Variants in FBXL7 observed in about 807,000 individuals in gnomAD.
The protein encoded by FBXL7 is F-box/LRR-repeat protein 7.
FBXL7 carries 12 observed loss-of-function variants against 38.3 expected under a neutral mutation model. The ratio of observed to expected loss-of-function variants is 0.31; its 90% confidence interval spans 0.20 to 0.51. The LOEUF is 0.51. Ranked by LOEUF, FBXL7 falls within the 20% of genes least tolerant of loss-of-function variation. The pLI, the probability that FBXL7 is intolerant of heterozygous loss-of-function variation, is 0.98. For missense variants in FBXL7, 567 were observed against 676.4 expected, an observed-to-expected ratio of 0.84 and a Z score of 1.79; for synonymous variants, 297 against 300.9, an observed-to-expected ratio of 0.99 and a Z score of 0.13.
chr5:15,900,659 T>A (rs1235116619), intron 2 of FBXL7, among the ~76,000 whole-genome samples: 1 of 152,176 alleles, frequency 6.6e-6, no homozygotes, highest in Admixed American at 6.5e-5. Flanking sequence ...TCATAGTACA[T>A]CATAAATGTC....
intron 2 of FBXL7, among the ~76,000 whole-genome samples, chr5:15,634,504 T>C (rs1015643989): frequency 8.4e-6 from 1 of 118,418 alleles, no homozygotes. Context: ...GTATTTTTAG[T>C]TGGGGGGGGG....
In FBXL7 at chr5:15,725,797, G is replaced by A. The variant is rs113564670; in HGVS notation, c.127+109725G>A. ...ATTACAGGTGCTCACCACCACAGCC[G>A]GCTAATTTTTTTGTATTTTTAGTAG... On this transcript the variant is annotated intron_variant, in intron 2 of 3. Coordinates refer to ENST00000504595, the MANE Select transcript of FBXL7 (RefSeq NM_012304.5). 5.6e-4 allele frequency among the ~76,000 whole-genome samples: 85 copies of A among 152,074 alleles called. 1 individual carries two copies. The highest frequency in any genetic ancestry group is 1.9e-3 in the African/African-American group (79 of 41,506).
At chr5:15,609,515 T>A (rs1328895372) in intron 1 of FBXL7, among the ~76,000 whole-genome samples, 1 of 152,202 alleles carries the variant, frequency 6.6e-6, no homozygotes. Context: ...ACTGTGCCAG[T>A]GTTTCTTATT....
intron 1 of FBXL7, among the ~76,000 whole-genome samples, chr5:15,551,877 CCCTT>C (rs1738083258): frequency 1.3e-5 from 2 of 152,208 alleles, no homozygotes; most frequent in Non-Finnish European, 2.9e-5. Context: ...CTAGGAAACA[CCCTT>C]CTTTCTTGTA....
intron 2 of FBXL7, among the ~76,000 whole-genome samples, chr5:15,673,001 C>T (rs1579366164): frequency 6.6e-6 from 1 of 151,866 alleles, no homozygotes. Context: ...TTGTTCTGAA[C>T]GGTATTCCGT....
chr5:15,884,142 A>G (rs981018135), intron 2 of FBXL7, among the ~76,000 whole-genome samples: 4 of 152,250 alleles, frequency 2.6e-5, no homozygotes, highest in African/African-American at 9.6e-5. Context: ...CTAGGCAGCC[A>G]CCATCTCCCT....
Position 15,814,237 on chromosome 5 carries a change from C to T in FBXL7, c.128-113653C>T, listed in dbSNP as rs144686582. 6.8e-3 allele frequency among the ~76,000 whole-genome samples: 1,038 copies of T among 152,246 alleles called. 10 individuals carry two copies. The highest frequency in any genetic ancestry group is 0.024 in the African/African-American group (988 of 41,548). The stretch of plus-strand genomic sequence containing the variant: ...TGTGGCACATATACACCATGGAATA[C>T]TATGCAGCCATAAAAAAGGATGAGT... On this transcript the variant is annotated intron_variant, in intron 2 of 3. Coordinates refer to ENST00000504595, the MANE Select transcript of FBXL7 (RefSeq NM_012304.5).
At chr5:15,594,728 G>C (rs1237572992) in intron 1 of FBXL7, among the ~76,000 whole-genome samples, 2 of 152,218 alleles carry the variant, frequency 1.3e-5, no homozygotes, top group African/African-American at 4.8e-5. Context: ...CTGGCTCTTT[G>C]CGTATAACCT....
At chr5:15,641,941 T>TTGTGTGTGTGTGTG in intron 2 of FBXL7, among the ~76,000 whole-genome samples, 1 of 141,616 alleles carries the variant, frequency 7.1e-6, no homozygotes, top group African/African-American at 2.6e-5. Flanking sequence ...ACATAAAACC[T>TTGTGTGTGTGTGTG]TGTGTGTGTG....
chr5:15,724,115 T>C lies in FBXL7; in HGVS notation c.127+108043T>C, dbSNP rs17437174. On this transcript the variant is annotated intron_variant, in intron 2 of 3. Coordinates refer to ENST00000504595, the MANE Select transcript of FBXL7 (RefSeq NM_012304.5). ...TCTTGAAAGTTTGAATGAAACTTCA[T>C]TGACTTTTAGGTCAGTTTGGTGAGA... Among the ~76,000 whole-genome samples, 1,341 of 152,322 alleles carry C rather than the reference T, an allele frequency of 8.8e-3. 18 individuals carry two copies. Among genetic ancestry groups the C allele is most frequent in the South Asian group, 0.041 (199 of 4,828 alleles).
At chr5:15,901,355 A>G (rs1450135165) in intron 2 of FBXL7, among the ~76,000 whole-genome samples, 1 of 152,198 alleles carries the variant, frequency 6.6e-6, no homozygotes, top group Non-Finnish European at 1.5e-5. Context: ...GGTCCCTTTC[A>G]TAAAAGCACT....
intron 1 of FBXL7, among the ~76,000 whole-genome samples, chr5:15,614,971 C>G (rs1335267499): frequency 6.6e-6 from 1 of 152,130 alleles, no homozygotes; most frequent in Non-Finnish European, 1.5e-5. Flanking sequence ...TGCAAAATGC[C>G]TTACCTTCAC....
chr5:15,511,890 A>G (rs1298626695), intron 1 of FBXL7, among the ~76,000 whole-genome samples: 2 of 152,180 alleles, frequency 1.3e-5, no homozygotes, highest in Admixed American at 1.3e-4. Flanking sequence ...TGTAGCTTTG[A>G]AGTGGTAAAT....
chr5:15,795,141 T>C (rs1737382359), intron 2 of FBXL7, among the ~76,000 whole-genome samples: 1 of 152,184 alleles, frequency 6.6e-6, no homozygotes, highest in Non-Finnish European at 1.5e-5. Flanking sequence ...TTGTATGTTT[T>C]GTTTTTCTAT....
At chr5:15,563,389 T>C (rs1480570942) in intron 1 of FBXL7, among the ~76,000 whole-genome samples, 2 of 151,918 alleles carry the variant, frequency 1.3e-5, no homozygotes, top group Admixed American at 6.6e-5. Flanking sequence ...GACCAGACTT[T>C]CCTTTATTTT....
chr5:15,697,978 G>A (rs930688536), intron 2 of FBXL7, among the ~76,000 whole-genome samples: 1 of 152,216 alleles, frequency 6.6e-6, no homozygotes, highest in Admixed American at 6.5e-5. Flanking sequence ...CACTCATATT[G>A]TAGAGAGAAA....
chr5:15,563,790 T>G (rs1426818972), intron 1 of FBXL7, among the ~76,000 whole-genome samples: 1 of 152,058 alleles, frequency 6.6e-6, no homozygotes, highest in Non-Finnish European at 1.5e-5. Context: ...TCTAAGGTAC[T>G]TAGGGAATTA....
At chr5:15,684,381 A>G (rs1291413760) in intron 2 of FBXL7, among the ~76,000 whole-genome samples, 1 of 152,170 alleles carries the variant, frequency 6.6e-6, no homozygotes, top group African/African-American at 2.4e-5. Context: ...ATAGATTTGG[A>G]TGATTTGGGT....
intron 3 of FBXL7, among the ~76,000 whole-genome samples, chr5:15,934,139 G>A (rs1742114844): frequency 6.6e-6 from 1 of 151,990 alleles, no homozygotes; most frequent in African/African-American, 2.4e-5. Flanking sequence ...CAAATAGCTG[G>A]GATTACAGGC....
Sources: gnomAD v4.1 joint callset for allele counts (sites outside exome capture counted in the v4.1 genomes callset) on GRCh38, gnomAD v4.1.1 for gene constraint, MANE v1.5 for transcripts, NCBI Gene and HGNC (gene_info 2026-07-23, HGNC 2026-07-21) for gene names.